ALK: variants seen among roughly 807,000 people sequenced by gnomAD.
ALK encodes ALK tyrosine kinase receptor.
ALK carries 74 observed loss-of-function variants against 163.1 expected under a neutral mutation model. The observed-to-expected ratio is 0.45, with a 90% CI of 0.38 to 0.55. The LOEUF is 0.55. Ranked by LOEUF, ALK falls within the 20% of genes least tolerant of loss-of-function variation. The probability of loss-of-function intolerance (pLI) is 0.00; values close to 1 mark genes in which losing one functional copy is unlikely to be tolerated. For synonymous variants in ALK, 960 were observed against 843.2 expected (o/e 1.14, Z -2.40); for missense variants, 2,063 against 2,105.3 (o/e 0.98, Z 0.39).
intron 1 of ALK, among the ~76,000 whole-genome samples, chr2:29,919,197 C>T (rs1667916392): frequency 6.6e-6 from 1 of 152,054 alleles, no homozygotes. Context: ...CTGCTGCAGA[C>T]GTTCAAGCTA....
chr2:29,492,087 G>A (rs1448001827), intron 4 of ALK, among the ~76,000 whole-genome samples: 2 of 152,072 alleles, frequency 1.3e-5, no homozygotes, highest in Admixed American at 1.3e-4. Context: ...AGCTAATCAT[G>A]AAAAATATCA....
chr2:29,404,903 C>G (rs533407510), intron 4 of ALK, among the ~76,000 whole-genome samples: 142 of 152,228 alleles, frequency 9.3e-4, no homozygotes, highest in Middle Eastern at 3.4e-3. Context: ...CCACCCAGCC[C>G]CAAGGAGGAG....
intron 1 of ALK, among the ~76,000 whole-genome samples, chr2:29,828,630 T>G (rs553701723): frequency 6.6e-6 from 1 of 152,232 alleles, no homozygotes; most frequent in Non-Finnish European, 1.5e-5. Context: ...CTCACACCTG[T>G]TAGAATGGCG....
chr2:29,210,284 A>G (rs891199231), intron 24 of ALK, among the ~76,000 whole-genome samples: 2 of 152,226 alleles, frequency 1.3e-5, no homozygotes, highest in South Asian at 2.1e-4. Flanking sequence ...AGTAGATAAC[A>G]TAGGGCCATA....
At chr2:29,580,409 C>A (rs1371415099) in intron 3 of ALK, among the ~76,000 whole-genome samples, 1 of 152,214 alleles carries the variant, frequency 6.6e-6, no homozygotes, top group African/African-American at 2.4e-5. Context: ...TGCACAGGAG[C>A]CAAACCGCAA....
chr2:29,511,007 C>A (rs938138964), intron 4 of ALK, among the ~76,000 whole-genome samples: 1 of 152,160 alleles, frequency 6.6e-6, no homozygotes, highest in Non-Finnish European at 1.5e-5. Context: ...AGCCCTTCAC[C>A]CTTACACTCA....
At chr2:29,590,113 A>G (rs991016068) in intron 3 of ALK, among the ~76,000 whole-genome samples, 2 of 152,360 alleles carry the variant, frequency 1.3e-5, no homozygotes, top group South Asian at 2.1e-4. Context: ...ACACTTGAAT[A>G]CATCTCCAGG....
chr2:29,237,553 T>G (rs888799627), intron 13 of ALK, among the ~76,000 whole-genome samples: 3 of 152,126 alleles, frequency 2.0e-5, no homozygotes, highest in African/African-American at 7.2e-5. Context: ...CTCCCTCTCC[T>G]CAGATGTAAG....
At chr2:29,870,309 T>C (rs1666544703) in intron 1 of ALK, among the ~76,000 whole-genome samples, 1 of 152,150 alleles carries the variant, frequency 6.6e-6, no homozygotes, top group Admixed American at 6.5e-5. Context: ...CTTACAATAG[T>C]GGCAGAAAGT....
chr2:29,860,591 G>A (rs941296065), intron 1 of ALK, among the ~76,000 whole-genome samples: 4 of 152,100 alleles, frequency 2.6e-5, no homozygotes, highest in African/African-American at 9.7e-5. Flanking sequence ...TTCTTCTCAA[G>A]TGCACACAAA....
intron 8 of ALK, among the ~76,000 whole-genome samples, chr2:29,316,096 G>A (rs554524034): frequency 4.6e-5 from 7 of 152,224 alleles, no homozygotes; most frequent in Admixed American, 1.3e-4. Flanking sequence ...GGTTTAGCCC[G>A]CCCGGGAGGA....
intron 4 of ALK, among the ~76,000 whole-genome samples, chr2:29,401,558 G>A (rs1669446817): frequency 6.6e-6 from 1 of 152,168 alleles, no homozygotes; most frequent in African/African-American, 2.4e-5. Context: ...TCCAGTTGGG[G>A]AGTGGAAGAA....
intron 1 of ALK, among the ~76,000 whole-genome samples, chr2:29,763,297 G>A (rs17733083): frequency 0.015 from 2,254 of 152,106 alleles, 20 homozygotes; most frequent in South Asian, 0.05. Flanking sequence ...ATAGAATGAG[G>A]CCCGTAGGTA....
At chr2:29,368,274 G>A (rs556913878) in intron 5 of ALK, among the ~76,000 whole-genome samples, 50 of 152,120 alleles carry the variant, frequency 3.3e-4, no homozygotes, top group Non-Finnish European at 6.0e-4. Flanking sequence ...CCAAGGGCTG[G>A]GATGGTGGTA....
intron 3 of ALK, among the ~76,000 whole-genome samples, chr2:29,683,794 C>T (rs1446877641): frequency 6.6e-6 from 1 of 152,192 alleles, no homozygotes; most frequent in African/African-American, 2.4e-5. Flanking sequence ...CAAGACAGAG[C>T]AGCACCACTT....
chr2:29,799,534 C>A (rs1477780158), intron 1 of ALK, among the ~76,000 whole-genome samples: 2 of 149,776 alleles, frequency 1.3e-5, no homozygotes, highest in East Asian at 1.9e-4. Flanking sequence ...AACAAACAAA[C>A]AAAAAACAGG....
At chr2:29,654,311 G>A (rs1261465083) in intron 3 of ALK, among the ~76,000 whole-genome samples, 1 of 152,140 alleles carries the variant, frequency 6.6e-6, no homozygotes, top group Non-Finnish European at 1.5e-5. Flanking sequence ...TCAGCTTTCT[G>A]TCTTTACCAC....
chr2:29,537,731 C>G (rs1673299284), intron 3 of ALK, among the ~76,000 whole-genome samples: 1 of 152,216 alleles, frequency 6.6e-6, no homozygotes, highest in East Asian at 1.9e-4. Flanking sequence ...CTTGAAGCCT[C>G]AGCATGGAAA....
intron 1 of ALK, among the ~76,000 whole-genome samples, chr2:29,732,179 A>C (rs1316920339): frequency 6.6e-6 from 1 of 152,228 alleles, no homozygotes; most frequent in African/African-American, 2.4e-5. Flanking sequence ...TCATAGCATG[A>C]GATTTTTCAA....
Sources: gnomAD v4.1 joint callset for allele counts (sites outside exome capture counted in the v4.1 genomes callset) on GRCh38, gnomAD v4.1.1 for gene constraint, MANE v1.5 for transcripts, NCBI Gene and HGNC (gene_info 2026-07-23, HGNC 2026-07-21) for gene names.